The following OTOGL variants were observed in gnomAD, a reference collection of about 807,000 sequenced individuals.
OTOGL encodes the protein otogelin like, also known as otogelin-like protein.
In OTOGL, 285 loss-of-function variants were observed where a neutral mutation model predicts 318.5. The ratio of observed to expected loss-of-function variants is 0.89; its 90% confidence interval spans 0.81 to 0.99. The LOEUF is 0.99. OTOGL is among the 50% of genes least tolerant of loss of function. The probability of loss-of-function intolerance (pLI) is 0.00; values close to 1 mark genes in which losing one functional copy is unlikely to be tolerated. For synonymous variants in OTOGL, 987 were observed against 936.5 expected (o/e 1.05, Z -0.99); for missense variants, 2,899 against 2,845.6 (o/e 1.02, Z -0.43).
chr12:80,360,390 C>T (rs1054970722), intron 52 of OTOGL, among the ~76,000 whole-genome samples: 7 of 98,320 alleles, frequency 7.1e-5, no homozygotes, highest in African/African-American at 2.8e-4. Context: ...CTCTCTCTCC[C>T]CCTCTCTCCC....
At chr12:80,313,716 C>A in intron 31 of OTOGL, 84 bp downstream of exon 31, 2 of 1,168,814 alleles carry the variant, frequency 1.7e-6, no homozygotes, top group South Asian at 1.9e-5. Flanking sequence ...AGAAATAATG[C>A]CAGGAGACTC....
chr12:80,217,160 T>C (rs1877809995), intron 4 of OTOGL, among the ~76,000 whole-genome samples: 1 of 151,984 alleles, frequency 6.6e-6, no homozygotes, highest in African/African-American at 2.4e-5. Context: ...TCCAAACCTA[T>C]CTGCGCCTGG....
chr12:80,186,081 C>T (rs1284178427), intron 1 of OTOGL, among the ~76,000 whole-genome samples: 1 of 152,000 alleles, frequency 6.6e-6, no homozygotes, highest in Non-Finnish European at 1.5e-5. Context: ...AAAGTCATAC[C>T]CTTCCTATAT....
chr12:80,235,026 C>A (rs7980697), intron 9 of OTOGL, among the ~76,000 whole-genome samples: 4,116 of 152,180 alleles, frequency 0.027, 115 homozygotes, highest in East Asian at 0.14. Flanking sequence ...AATCTGGAAT[C>A]TTGAGACTGT....
chr12:80,164,092 T>A lies in OTOGL; in HGVS notation c.-19-45321T>A, dbSNP rs1049045270. Among the ~76,000 whole-genome samples the A allele has an allele frequency of 6.6e-5, 10 of 152,158 alleles. No individual in the cohort carries two copies. The East Asian group carries it at 9.6e-4, about 15-fold the overall frequency. On this transcript the variant is annotated intron_variant, in intron 1 of 58. Coordinates refer to ENST00000547103, the MANE Select transcript of OTOGL (RefSeq NM_001378609.3). ...GGTACCCAAAATCTTGGCTCTACTG[T>A]GTAACTTTGTGAAAATTGGCTATCT...
Position 80,335,975 on chromosome 12 carries a change from G to C in OTOGL, c.4435G>C (p.Asp1479His). 1 of 1,552,108 alleles carries C rather than the reference G, an allele frequency of 6.4e-7. No homozygotes were observed. The highest frequency in any genetic ancestry group is 1.4e-5 in the African/African-American group (1 of 72,944). Residue 1479 changes from aspartate (D) to histidine (H), a missense_variant, in exon 39 of 59, where the codon GAT becomes CAT. Coordinates refer to ENST00000547103, the MANE Select transcript of OTOGL (RefSeq NM_001378609.3). ...TTTTTATTAACAGCCTCAGAAATTT[G>C]ATCCTGTTTATGATTGTAGCCAATA... ...TGLECEPQKF[D>H]PVYDCSQYIC...
chr12:80,352,163 T>C (rs117288494), intron 44 of OTOGL, 132 bp from the exon 45 acceptor site: 18,957 of 795,708 alleles, frequency 0.024, 318 homozygotes, highest in South Asian at 0.047. Context: ...TTTTTGAAAA[T>C]GTAAAGTCTA....
At chr12:80,333,205 A>T in intron 38 of OTOGL, 127 bp downstream of exon 38, 1 of 696,674 alleles carries the variant, frequency 1.4e-6, no homozygotes, top group Non-Finnish European at 2.4e-6. Flanking sequence ...TTGCTAAAAG[A>T]TATTAAGAAA....
intron 1 of OTOGL, among the ~76,000 whole-genome samples, chr12:80,135,997 G>A (rs1871545402): frequency 1.3e-5 from 2 of 152,120 alleles, no homozygotes; most frequent in South Asian, 4.1e-4. Flanking sequence ...TTTTGAGCTC[G>A]CCAACCTTCA....
intron 1 of OTOGL, among the ~76,000 whole-genome samples, chr12:80,199,575 G>GT (rs1307587758): frequency 2.6e-5 from 4 of 152,126 alleles, no homozygotes; most frequent in Admixed American, 2.6e-4. Flanking sequence ...GATGATTTGT[G>GT]TAAGTTTTAT....
chr12:80,292,394 G>C (rs1302040600), intron 26 of OTOGL, among the ~76,000 whole-genome samples: 1 of 152,232 alleles, frequency 6.6e-6, no homozygotes, highest in Non-Finnish European at 1.5e-5. Context: ...GTCCCATGCA[G>C]TTAACTCTTG....
chr12:80,361,976 T>C (rs981467911), intron 52 of OTOGL, among the ~76,000 whole-genome samples: 1 of 152,204 alleles, frequency 6.6e-6, no homozygotes, highest in Admixed American at 6.6e-5. Context: ...CAGAAGCTTA[T>C]TAGCTTGCTA....
chr12:80,377,877 C>G lies in OTOGL; in HGVS notation c.6891C>G (p.Cys2297Trp). 1 of 1,611,022 alleles carries G rather than the reference C, an allele frequency of 6.2e-7. No individual in the cohort carries two copies. The highest frequency in any genetic ancestry group is 8.5e-7 in the Non-Finnish European group (1 of 1,178,056). Reference protein sequence around the residue: ...PINVASCDGKCPSATIYNINI... With the variant: ...PINVASCDGKWPSATIYNINI... ...ATGTTGCATCTTGTGACGGCAAATGCCCATCAGCTACCATATATAACATCA... is the reference window on the plus strand; with the variant it reads ...ATGTTGCATCTTGTGACGGCAAATGGCCATCAGCTACCATATATAACATCA... The change falls in exon 59 of 59, where the codon TGC becomes TGG. Residue 2297 changes from cysteine to tryptophan, a missense_variant. Cys to Trp is a radical substitution (Grantham distance 215). Coordinates refer to ENST00000547103, the MANE Select transcript of OTOGL (RefSeq NM_001378609.3).
intron 9 of OTOGL, among the ~76,000 whole-genome samples, chr12:80,237,231 C>G (rs921164813): frequency 2.0e-5 from 3 of 152,118 alleles, no homozygotes; most frequent in African/African-American, 7.2e-5. Flanking sequence ...AGATACTACA[C>G]TAGGGATACA....
intron 46 of OTOGL, among the ~76,000 whole-genome samples, chr12:80,355,429 G>T (rs1025732846): frequency 1.3e-5 from 2 of 151,730 alleles, no homozygotes; most frequent in African/African-American, 2.4e-5. Flanking sequence ...TTACTCTGTT[G>T]CCCAGGCTAG....
intron 1 of OTOGL, among the ~76,000 whole-genome samples, chr12:80,115,803 G>T (rs1035098108): frequency 6.6e-6 from 1 of 152,180 alleles, no homozygotes; most frequent in Non-Finnish European, 1.5e-5. Flanking sequence ...GCTGAGCAGT[G>T]GTGGGCTCTG....
At chr12:80,219,001 G>A (rs1265421075) in intron 5 of OTOGL, among the ~76,000 whole-genome samples, 1 of 151,672 alleles carries the variant, frequency 6.6e-6, no homozygotes, top group Non-Finnish European at 1.5e-5. Context: ...TTGAGCCTGA[G>A]GATTAATATA....
intron 53 of OTOGL, 41 bp downstream of exon 53, chr12:80,366,678 T>C: frequency 1.2e-6 from 1 of 830,338 alleles, no homozygotes; most frequent in Non-Finnish European, 1.6e-6. Flanking sequence ...TAAATGAATA[T>C]CATTAGTATC....
At chr12:80,139,584 G>GT (rs1204786964) in intron 1 of OTOGL, among the ~76,000 whole-genome samples, 1 of 151,884 alleles carries the variant, frequency 6.6e-6, no homozygotes, top group Non-Finnish European at 1.5e-5. Context: ...TTGTTTGATG[G>GT]TTTTTGTCAT....
Sources: gnomAD v4.1 joint callset for allele counts (sites outside exome capture counted in the v4.1 genomes callset) on GRCh38, gnomAD v4.1.1 for gene constraint, MANE v1.5 for transcripts, NCBI Gene and HGNC (gene_info 2026-07-23, HGNC 2026-07-21) for gene names.